Variants in STAU2 observed in about 807,000 individuals in gnomAD.
STAU2 encodes the protein double-stranded RNA-binding protein Staufen homolog 2.
A neutral mutation model predicts 65.9 loss-of-function variants in STAU2; 20 were observed. The observed-to-expected ratio is 0.30, with a 90% confidence interval of 0.21 to 0.44. The LOEUF (loss-of-function observed/expected upper bound fraction) is 0.44, where lower values mean the gene tolerates loss of function less well. Among genes scored for constraint, STAU2 ranks in the 20% least tolerant of loss-of-function variants. The pLI is 1.00. For missense variants in STAU2, 558 were observed against 683.9 expected, an observed-to-expected ratio of 0.82 and a Z score of 2.05; for synonymous variants, 232 against 233.9, an observed-to-expected ratio of 0.99 and a Z score of 0.07.
chr8:73,468,201 G>A (rs1009369247), intron 13 of STAU2, among the ~76,000 whole-genome samples: 5 of 152,158 alleles, frequency 3.3e-5, no homozygotes, highest in Non-Finnish European at 4.4e-5. Context: ...AACAAGAAAT[G>A]GGGAAAGGAT....
chr8:73,557,073 T>TA (rs1429056191), intron 12 of STAU2, among the ~76,000 whole-genome samples: 2 of 152,144 alleles, frequency 1.3e-5, no homozygotes, highest in Admixed American at 6.5e-5. Flanking sequence ...ATACTCAATT[T>TA]AAAAAATCAA....
At chr8:73,455,905 A>G (rs374420613) in intron 13 of STAU2, among the ~76,000 whole-genome samples, 39 of 152,320 alleles carry the variant, frequency 2.6e-4, no homozygotes, top group African/African-American at 8.7e-4. Flanking sequence ...TACATATGAG[A>G]TGGATGGACG....
chr8:73,451,342 A>T (rs1818788096), intron 13 of STAU2, among the ~76,000 whole-genome samples: 2 of 152,152 alleles, frequency 1.3e-5, no homozygotes, highest in African/African-American at 4.8e-5. Context: ...CTGAAGGAAC[A>T]GTTCTCAGGA....
chr8:73,441,171 TA>T (rs1436935619), intron 13 of STAU2: 3 of 152,350 alleles, frequency 2.0e-5, no homozygotes, highest in African/African-American at 7.2e-5. Flanking sequence ...AAGATTTCAT[TA>T]AAATTTTATT....
At chr8:73,598,654 A>C (rs546179576) in intron 10 of STAU2, among the ~76,000 whole-genome samples, 1 of 152,292 alleles carries the variant, frequency 6.6e-6, no homozygotes, top group South Asian at 2.1e-4. Context: ...TATTATTACT[A>C]CTGTTTAACA....
intron 12 of STAU2, among the ~76,000 whole-genome samples, chr8:73,570,958 A>G (rs1241281758): frequency 6.6e-6 from 1 of 152,200 alleles, no homozygotes. Context: ...GGCAGTTTGG[A>G]TAAAGAGTCA....
intron 13 of STAU2, among the ~76,000 whole-genome samples, chr8:73,481,285 C>A (rs1020789369): frequency 2.6e-5 from 4 of 151,864 alleles, no homozygotes; most frequent in Admixed American, 6.6e-5. Context: ...CCTGCACAGC[C>A]AGCGCAAAGC....
At chr8:73,646,023 A>T (rs1480247779) in intron 6 of STAU2, among the ~76,000 whole-genome samples, 2 of 152,182 alleles carry the variant, frequency 1.3e-5, no homozygotes, top group East Asian at 3.9e-4. Context: ...TATCAAAATG[A>T]AAGGCAAGCA....
chr8:73,607,326 A>C (rs1167548282), intron 9 of STAU2, among the ~76,000 whole-genome samples: 1 of 152,192 alleles, frequency 6.6e-6, no homozygotes, highest in Admixed American at 6.6e-5. Context: ...GCTTATTGAG[A>C]AATGTTTTAT....
intron 6 of STAU2, among the ~76,000 whole-genome samples, chr8:73,641,523 T>C (rs1384920229): frequency 6.6e-6 from 1 of 152,246 alleles, no homozygotes; most frequent in African/African-American, 2.4e-5. Context: ...CAGCAAATCA[T>C]GTCAGCCAGC....
At chr8:73,679,926 AAGC>A (rs1371642016) in intron 5 of STAU2, among the ~76,000 whole-genome samples, 1 of 146,066 alleles carries the variant, frequency 6.8e-6, no homozygotes, top group African/African-American at 2.5e-5. Context: ...CAAAAACTAG[AAGC>A]AGCAGCGATA....
At chr8:73,658,947 A>C (rs1213328136) in intron 6 of STAU2, among the ~76,000 whole-genome samples, 2 of 151,214 alleles carry the variant, frequency 1.3e-5, no homozygotes, top group Admixed American at 6.6e-5. Flanking sequence ...AAACAACAAA[A>C]AAAAAAAACC....
chr8:73,479,446 C>T (rs1352029202), intron 13 of STAU2, among the ~76,000 whole-genome samples: 2 of 141,284 alleles, frequency 1.4e-5, no homozygotes, highest in Non-Finnish European at 1.5e-5. Flanking sequence ...CAAATCCCCT[C>T]TCTCTTCCTG....
At chr8:73,683,245 G>A (rs943666043) in intron 5 of STAU2, among the ~76,000 whole-genome samples, 10 of 152,136 alleles carry the variant, frequency 6.6e-5, no homozygotes, top group South Asian at 2.1e-4. Flanking sequence ...ATCCAACAGC[G>A]TATCGAAAAG....
In STAU2 at chr8:73,489,357, A is replaced by AT. The variant is rs1821058877; in HGVS notation, c.1530+62654dup. The stretch of plus-strand genomic sequence containing the variant: ...TTCTTTTAAATTCCATTAAAAAAAC[A>AT]TAGTTTGCTACAAATGACACACAAA... On this transcript the variant is annotated intron_variant, in intron 13 of 14. Transcript: ENST00000524300. Among the ~76,000 whole-genome samples, 8 of 152,186 alleles carry AT rather than the reference A, an allele frequency of 5.3e-5. No homozygotes were observed. The South Asian group carries it at 1.7e-3, about 32-fold the overall frequency.
chr8:73,449,860 C>T lies in STAU2; in HGVS notation c.1531-27158G>A, dbSNP rs148587508. 9.2e-5 allele frequency among the ~76,000 whole-genome samples: 14 copies of T among 152,312 alleles called. No individual in the cohort carries two copies. The East Asian group carries it at 2.3e-3, about 25-fold the overall frequency. ...CCTGGCAGCCCCCTCACTACTCCTGCCTCTGGCAGGAGGAGCTCTGCAGGG... is the reference window on the plus strand; with the variant it reads ...CCTGGCAGCCCCCTCACTACTCCTGTCTCTGGCAGGAGGAGCTCTGCAGGG... On this transcript the variant is annotated intron_variant, in intron 13 of 14. Coordinates refer to ENST00000524300, the MANE Select transcript of STAU2 (RefSeq NM_001164380.2).
At chr8:73,459,190 G>C (rs796537201) in intron 13 of STAU2, among the ~76,000 whole-genome samples, 11 of 152,062 alleles carry the variant, frequency 7.2e-5, no homozygotes, top group African/African-American at 2.7e-4. Flanking sequence ...TAAATGCAGA[G>C]ACATAATTTG....
intron 3 of STAU2, among the ~76,000 whole-genome samples, chr8:73,733,520 T>C (rs868803612): frequency 6.6e-6 from 1 of 152,210 alleles, no homozygotes; most frequent in South Asian, 2.1e-4. Context: ...AATATTATGG[T>C]ACCCCAGAAA....
intron 13 of STAU2, among the ~76,000 whole-genome samples, chr8:73,540,434 T>A (rs1284175646): frequency 2.0e-5 from 3 of 152,236 alleles, no homozygotes; most frequent in African/African-American, 7.2e-5. Context: ...CACTTTGATT[T>A]CAGACTTCTG....
Sources: allele counts gnomAD v4.1 joint callset (sites outside exome capture counted in the v4.1 genomes callset), GRCh38; gene constraint gnomAD v4.1.1; transcripts MANE v1.5; gene names NCBI Gene and HGNC (gene_info 2026-07-23, HGNC 2026-07-21).